The following TMEM120B variants were observed in gnomAD, a reference collection of about 807,000 sequenced individuals.
TMEM120B encodes transmembrane protein 120B.
Under a neutral mutation model 55.5 loss-of-function variants are expected in TMEM120B, and 31 were observed. The ratio of observed to expected loss-of-function variants is 0.56; its 90% CI spans 0.42 to 0.75. The LOEUF (loss-of-function observed/expected upper bound fraction) is 0.75, where lower values mean the gene tolerates loss of function less well. TMEM120B is among the 30% of genes least tolerant of loss of function. The pLI is 0.00. For missense variants in TMEM120B, 399 were observed against 425.5 expected (o/e 0.94, Z 0.55); for synonymous variants, 203 against 176.3 (o/e 1.15, Z -1.20).
chr12:121,772,041 CTTTCTTTCTT>C (rs1566526400), intron 8 of TMEM120B, among the ~76,000 whole-genome samples: 1 of 115,240 alleles, frequency 8.7e-6, no homozygotes, highest in Non-Finnish European at 1.7e-5. Context: ...CTTTCTTTCT[CTTTCTTTCTT>C]TCTTTTTCTT....
At chr12:121,763,048 T>G (rs917885937) in intron 6 of TMEM120B, among the ~76,000 whole-genome samples, 17 of 152,036 alleles carry the variant, frequency 1.1e-4, no homozygotes, top group African/African-American at 4.1e-4. Flanking sequence ...CCTGCCTGCC[T>G]CTAAGCTGAG....
At chr12:121,729,829 A>G (rs1309603617) in intron 1 of TMEM120B, among the ~76,000 whole-genome samples, 2 of 152,124 alleles carry the variant, frequency 1.3e-5, no homozygotes, top group African/African-American at 4.8e-5. Context: ...TTTCAGAAAG[A>G]TATTTGTACA....
intron 6 of TMEM120B, 56 bp from the exon 7 acceptor site, chr12:121,770,851 A>G (rs956162169): frequency 6.5e-7 from 1 of 1,547,024 alleles, no homozygotes; most frequent in East Asian, 2.2e-5. Context: ...TCAGCGAGAC[A>G]CATGCCTGCG....
chr12:121,713,108 G>T, intron 1 of TMEM120B, 144 bp downstream of exon 1: 1 of 593,772 alleles, frequency 1.7e-6, no homozygotes, highest in Non-Finnish European at 2.8e-6. Context: ...GGGAGGCATG[G>T]ACCAGCCCCC....
chr12:121,735,068 C>A (rs967299916), intron 1 of TMEM120B, among the ~76,000 whole-genome samples: 3 of 151,662 alleles, frequency 2.0e-5, no homozygotes, highest in African/African-American at 7.3e-5. Context: ...CGCCTGTAGT[C>A]CCAGCTACTT....
At chr12:121,773,785 C>CACA (rs2137407361) in intron 9 of TMEM120B, among the ~76,000 whole-genome samples, 1 of 152,130 alleles carries the variant, frequency 6.6e-6, no homozygotes, top group South Asian at 2.1e-4. Flanking sequence ...CACAAATTAG[C>CACA]CATTTGTGTG....
At chr12:121,732,897 T>G (rs1163541489) in intron 1 of TMEM120B, among the ~76,000 whole-genome samples, 1 of 151,152 alleles carries the variant, frequency 6.6e-6, no homozygotes, top group Admixed American at 6.6e-5. Context: ...GAGAATCACT[T>G]GAACCTGGGA....
At chr12:121,736,327 GT>G (rs200851425) in intron 1 of TMEM120B, among the ~76,000 whole-genome samples, 9,702 of 137,036 alleles carry the variant, frequency 0.071, 337 homozygotes, top group Middle Eastern at 0.088. Context: ...ATTGTTTGGT[GT>G]TTTTTTTTTT....
At chr12:121,761,262 A>G (rs1006075981) in intron 5 of TMEM120B, among the ~76,000 whole-genome samples, 3 of 152,130 alleles carry the variant, frequency 2.0e-5, no homozygotes, top group African/African-American at 7.2e-5. Context: ...TACAGGCGGG[A>G]GCCACCACGC....
chr12:121,744,081 G>A (rs1221769535), intron 2 of TMEM120B, among the ~76,000 whole-genome samples: 1 of 148,778 alleles, frequency 6.7e-6, no homozygotes, highest in Admixed American at 6.7e-5. Flanking sequence ...TCTTGAAATG[G>A]AGTCTTTCAC....
Position 121,779,260 on chromosome 12 carries a change from A to G in TMEM120B, c.*3538A>G, listed in dbSNP as rs1475832064. 5 of 564,058 alleles carry G rather than the reference A, an allele frequency of 8.9e-6. No homozygotes were observed. Among genetic ancestry groups the G allele is most frequent in the Non-Finnish European group, 9.5e-6 (3 of 315,192 alleles). 34.9% of individuals were successfully genotyped at this position (564,058 alleles called of 1,614,324 possible). On this transcript the variant is annotated 3_prime_UTR_variant, in exon 12 of 12. Transcript: ENST00000449592. ...GTGATGAGGGCACTTGCGAGTCCCGACAACAGACACTGGCTCCTGCACCCA... is the reference window on the plus strand; with the variant it reads ...GTGATGAGGGCACTTGCGAGTCCCGGCAACAGACACTGGCTCCTGCACCCA...
rs539601504 is a variant in TMEM120B at position 121,772,882 on chromosome 12, A to G, written c.680-539A>G. ...CTCTCAAAAGTTTTTATTCATAAAT[A>G]GGTATATACATGTGTGTATTACATT... On this transcript the variant is annotated intron_variant, in intron 8 of 11. Transcript: ENST00000449592. Among the ~76,000 whole-genome samples the G allele has an allele frequency of 2.0e-5, 3 of 152,382 alleles. No homozygotes were observed. The East Asian group carries it at 5.8e-4, about 29-fold the overall frequency.
intron 6 of TMEM120B, among the ~76,000 whole-genome samples, chr12:121,765,511 C>T (rs1335923883): frequency 6.6e-6 from 1 of 152,204 alleles, no homozygotes; most frequent in African/African-American, 2.4e-5. Flanking sequence ...TCCTCCAGGC[C>T]TGTCTCCCCT....
chr12:121,751,206 T>C (rs1292254057), intron 4 of TMEM120B, among the ~76,000 whole-genome samples: 22 of 18,308 alleles, frequency 1.2e-3, no homozygotes, highest in Admixed American at 1.3e-3. Context: ...ACACCTATAC[T>C]CACACCCCAC....
At chr12:121,735,191 A>G (rs1466824198) in intron 1 of TMEM120B, among the ~76,000 whole-genome samples, 1 of 150,728 alleles carries the variant, frequency 6.6e-6, no homozygotes, top group Non-Finnish European at 1.5e-5. Context: ...GTCTCAAAAA[A>G]AAAAAAAAAC....
rs563684338 is a variant in TMEM120B, at chr12:121,748,453, G to A, written c.305+11G>A. 5 of 1,581,906 alleles carry A rather than the reference G, an allele frequency of 3.2e-6. No homozygotes were observed. Among genetic ancestry groups the A allele is most frequent in the South Asian group, 2.2e-5 (2 of 90,078 alleles). The stretch of plus-strand genomic sequence containing the variant: ...GCCCAAGAAGAACGGGTAGGAGCTG[G>A]CAACCTCCCCACCCCTAGCACAGGC... On this transcript the variant is annotated intron_variant, in intron 3 of 11. Transcript: ENST00000449592.
intron 9 of TMEM120B, among the ~76,000 whole-genome samples, chr12:121,774,380 G>A (rs957181661): frequency 3.4e-4 from 52 of 152,212 alleles, no homozygotes; most frequent in African/African-American, 1.1e-3. Context: ...ACCCTGTGCA[G>A]ATTAAAGAAA....
chr12:121,717,563 A>G (rs1271160701), intron 1 of TMEM120B, among the ~76,000 whole-genome samples: 2 of 152,166 alleles, frequency 1.3e-5, no homozygotes, highest in African/African-American at 4.8e-5. Flanking sequence ...GTTGAACACC[A>G]GTGTCTGTGC....
intron 5 of TMEM120B, among the ~76,000 whole-genome samples, chr12:121,761,212 C>T (rs1489089253): frequency 6.6e-6 from 1 of 152,196 alleles, no homozygotes; most frequent in African/African-American, 2.4e-5. Flanking sequence ...CTCCTGGCCT[C>T]AAGTGATCCA....
Sources: allele counts gnomAD v4.1 joint callset (sites outside exome capture counted in the v4.1 genomes callset), GRCh38; gene constraint gnomAD v4.1.1; transcripts MANE v1.5; gene names NCBI Gene and HGNC (gene_info 2026-07-23, HGNC 2026-07-21).